The following RALGAPA1 variants were observed in gnomAD, a reference collection of about 807,000 sequenced individuals.
RALGAPA1 encodes the protein Ral GTPase activating protein catalytic subunit alpha 1, also known as ral GTPase-activating protein subunit alpha-1.
In RALGAPA1, 52 loss-of-function variants were observed where a neutral mutation model predicts 269.6. The observed-to-expected ratio is 0.19, with a 90% CI of 0.15 to 0.24. The LOEUF is 0.24. Ranked by LOEUF, RALGAPA1 falls within the 10% of genes least tolerant of loss-of-function variation. RALGAPA1 has a pLI of 1.00. For synonymous variants in RALGAPA1, 817 were observed against 1,008.3 expected (o/e 0.81, Z 3.60); for missense variants, 1,917 against 3,013.9 (o/e 0.64, Z 8.52).
chr14:35,727,508 G>A lies in RALGAPA1; in HGVS notation c.1736+854C>T, dbSNP rs2070075591. ...TAAACATTTCATTTTTACAAAAACT[G>A]CAGAACCACTTTCCCATCTCCCCAA... On this transcript the variant is annotated intron_variant, in intron 13 of 41. Transcript: ENST00000680220. Among the ~76,000 whole-genome samples the A allele has an allele frequency of 4.0e-5, 6 of 151,252 alleles. No individual in the cohort carries two copies. In the South Asian group the frequency reaches 1.3e-3, roughly 32 times the overall value.
At position 35,689,066 on chromosome 14, in the gene RALGAPA1, A is replaced by T; in HGVS notation, c.3345T>A (p.His1115Gln). 2.4e-6 allele frequency: 3 copies of T among 1,235,898 alleles called. No individual in the cohort carries two copies. The highest frequency in any genetic ancestry group is 3.0e-6 in the Non-Finnish European group (3 of 990,202). The allele number at this position is 1,235,898 out of a possible 1,614,324, so 76.6% of individuals were successfully genotyped here. A position where few individuals can be genotyped will look rare whatever the true frequency, so the allele number is the denominator to read the frequency against. ...LKAPVNRRMP[H>Q]VTSTSKLSPT... ...GAGAAAGTTTGCTAGTACTTGTAACATGAGGCATTCTGCGGTTAACAGGTG... is the reference window on the plus strand; with the variant it reads ...GAGAAAGTTTGCTAGTACTTGTAACTTGAGGCATTCTGCGGTTAACAGGTG... Residue 1115 changes from histidine (H) to glutamine (Q), a missense_variant, in exon 18 of 42, where the codon CAT becomes CAA. His to Gln is a conservative substitution (Grantham distance 24). This residue lies in a region of RALGAPA1 where 615 missense variants were observed against 790.0 expected (regional missense o/e 0.78). Transcript: ENST00000680220.
intron 1 of RALGAPA1, among the ~76,000 whole-genome samples, chr14:35,802,305 C>T (rs1419458024): frequency 4.6e-5 from 7 of 151,910 alleles, no homozygotes; most frequent in Admixed American, 4.6e-4. Context: ...GAGACTCTGT[C>T]TCAAAAAAAT....
At chr14:35,705,170 T>C (rs1256402233) in intron 16 of RALGAPA1, among the ~76,000 whole-genome samples, 2 of 152,158 alleles carry the variant, frequency 1.3e-5, no homozygotes, top group African/African-American at 4.8e-5. Flanking sequence ...TGATACAGTA[T>C]TGCTAAAGTC....
intron 3 of RALGAPA1, among the ~76,000 whole-genome samples, chr14:35,774,423 T>C (rs1389707950): frequency 2.6e-5 from 4 of 152,120 alleles, no homozygotes; most frequent in African/African-American, 9.7e-5. Flanking sequence ...AAAAGGGTCT[T>C]AATTTTTAAG....
intron 1 of RALGAPA1, among the ~76,000 whole-genome samples, chr14:35,805,529 C>G (rs1245791443): frequency 6.6e-6 from 1 of 151,278 alleles, no homozygotes. Context: ...ATATAAAACT[C>G]TAGATAATGC....
intron 3 of RALGAPA1, among the ~76,000 whole-genome samples, chr14:35,771,510 C>T (rs2141503936): frequency 6.6e-6 from 1 of 152,110 alleles, no homozygotes; most frequent in East Asian, 1.9e-4. Context: ...ATTTGAAAGC[C>T]TCAAAAAACA....
chr14:35,699,498 G>A (rs947925662), intron 17 of RALGAPA1, among the ~76,000 whole-genome samples: 3 of 152,070 alleles, frequency 2.0e-5, no homozygotes, highest in Non-Finnish European at 2.9e-5. Flanking sequence ...AGAGCAGACC[G>A]TGCCAGTACT....
intron 4 of RALGAPA1, among the ~76,000 whole-genome samples, chr14:35,764,198 C>G (rs2141400594): frequency 6.6e-6 from 1 of 151,852 alleles, no homozygotes; most frequent in South Asian, 2.1e-4. Flanking sequence ...TCAAGTGATC[C>G]TCCCACTTCA....
At chr14:35,717,397 G>A (rs1017030417) in intron 16 of RALGAPA1, among the ~76,000 whole-genome samples, 5 of 152,086 alleles carry the variant, frequency 3.3e-5, no homozygotes, top group African/African-American at 9.7e-5. Flanking sequence ...TGATCCGCCC[G>A]CCTCGGCCTC....
intron 31 of RALGAPA1, among the ~76,000 whole-genome samples, chr14:35,642,101 C>T (rs75782958): frequency 0.041 from 6,244 of 152,180 alleles, 368 homozygotes; most frequent in African/African-American, 0.12. Flanking sequence ...CAAATCAAAA[C>T]GCATTAGAGA....
intron 22 of RALGAPA1, among the ~76,000 whole-genome samples, 172 bp from the exon 23 acceptor site, chr14:35,674,881 T>C (rs752592440): frequency 1.5e-4 from 23 of 152,214 alleles, no homozygotes; most frequent in Non-Finnish European, 5.9e-5. Flanking sequence ...TATTATGAGA[T>C]AATAATAAGG....
At chr14:35,543,432 A>G (rs912214856) in intron 41 of RALGAPA1, among the ~76,000 whole-genome samples, 1 of 152,226 alleles carries the variant, frequency 6.6e-6, no homozygotes, top group East Asian at 1.9e-4. Flanking sequence ...TTATTGTTCA[A>G]ATGTGAAAAG....
At chr14:35,754,194 AG>A (rs1244691310) in intron 7 of RALGAPA1, among the ~76,000 whole-genome samples, 3 of 152,208 alleles carry the variant, frequency 2.0e-5, no homozygotes, top group African/African-American at 4.8e-5. Context: ...GATTAGGCAA[AG>A]ATTAGAAACA....
chr14:35,542,954 G>A (rs181114320), intron 41 of RALGAPA1, among the ~76,000 whole-genome samples: 6 of 152,260 alleles, frequency 3.9e-5, no homozygotes, highest in Admixed American at 1.3e-4. Flanking sequence ...TTGTGGTTTC[G>A]TTTGTACTGT....
At chr14:35,677,432 TAGG>T (rs2065042368) in intron 22 of RALGAPA1, 4 of 153,824 alleles carry the variant, frequency 2.6e-5, no homozygotes, top group Non-Finnish European at 5.8e-5. Flanking sequence ...GGCAGTTACT[TAGG>T]TTTCCCAAGT....
chr14:35,792,881 G>A (rs2076292729), intron 1 of RALGAPA1, among the ~76,000 whole-genome samples: 1 of 125,174 alleles, frequency 8.0e-6, no homozygotes, highest in Non-Finnish European at 1.5e-5. Context: ...ATTCAAGAGG[G>A]GAAAAAAAAA....
At chr14:35,684,198 C>T (rs1219483797) in intron 20 of RALGAPA1, among the ~76,000 whole-genome samples, 1 of 152,146 alleles carries the variant, frequency 6.6e-6, no homozygotes, top group African/African-American at 2.4e-5. Context: ...ACATGTAATT[C>T]TCCAATGCAT....
At chr14:35,571,566 T>C (rs2057196486) in intron 38 of RALGAPA1, among the ~76,000 whole-genome samples, 1 of 151,958 alleles carries the variant, frequency 6.6e-6, no homozygotes, top group Non-Finnish European at 1.5e-5. Context: ...TACCAGCTAC[T>C]CGGGAGGCTG....
rs181011697 is a variant in RALGAPA1 at position 35,603,183 on chromosome 14, T to C, written c.7053+2403A>G. 2.6e-3 allele frequency among the ~76,000 whole-genome samples: 389 copies of C among 152,322 alleles called. 2 individuals carry two copies. Among genetic ancestry groups the C allele is most frequent in the African/African-American group, 9.0e-3 (376 of 41,576 alleles). On this transcript the variant is annotated intron_variant, in intron 36 of 41. Coordinates refer to ENST00000680220, the MANE Select transcript of RALGAPA1 (RefSeq NM_001346249.2). Reference sequence around the variant, plus strand: ...CAGGATCTATCCACACTACCTTGATTAGCATTGCTGTGTAGTAAGTTTTGA... The same window carrying C: ...CAGGATCTATCCACACTACCTTGATCAGCATTGCTGTGTAGTAAGTTTTGA...
Sources: allele counts gnomAD v4.1 joint callset (sites outside exome capture counted in the v4.1 genomes callset), GRCh38; gene constraint gnomAD v4.1.1; regional missense constraint gnomAD v4.1.1; transcripts MANE v1.5; gene names NCBI Gene and HGNC (gene_info 2026-07-23, HGNC 2026-07-21).